The following PRKN variants were observed in gnomAD, a reference collection of about 807,000 sequenced individuals.
PRKN encodes parkin RBR E3 ubiquitin protein ligase.
A neutral mutation model predicts 59.5 loss-of-function variants in PRKN; 56 were observed. The ratio of observed to expected loss-of-function variants is 0.94; its 90% CI spans 0.76 to 1.18. PRKN has a LOEUF of 1.18. Ranked by LOEUF, PRKN falls within the 50% of genes most tolerant of loss-of-function variation. PRKN has a pLI of 0.00. For missense variants in PRKN, 657 were observed against 596.4 expected (o/e 1.10, Z -1.06); for synonymous variants, 250 against 222.1 (o/e 1.13, Z -1.12).
intron 7 of PRKN, among the ~76,000 whole-genome samples, chr6:161,615,777 T>C (rs9355355): frequency 0.2 from 30,023 of 152,252 alleles, 3,530 homozygotes; most frequent in East Asian, 0.54. Context: ...GGGGAGCTGA[T>C]GGCTGCAGTG....
chr6:161,524,104 A>T (rs1778934715), intron 9 of PRKN, among the ~76,000 whole-genome samples: 1 of 152,158 alleles, frequency 6.6e-6, no homozygotes, highest in Non-Finnish European at 1.5e-5. Context: ...TCTATTTGTG[A>T]AAAGGCAAGA....
At chr6:162,677,785 A>G (rs1041531475) in intron 1 of PRKN, among the ~76,000 whole-genome samples, 1 of 152,210 alleles carries the variant, frequency 6.6e-6, no homozygotes, top group Non-Finnish European at 1.5e-5. Context: ...TAGGCAAAGG[A>G]CAACGTATTT....
chr6:161,878,802 C>A (rs180808611), intron 6 of PRKN, among the ~76,000 whole-genome samples: 2 of 152,276 alleles, frequency 1.3e-5, no homozygotes, highest in Admixed American at 1.3e-4. Flanking sequence ...TTCTTTGGTG[C>A]TCCTACAAAC....
At chr6:161,811,375 C>T (rs1041361849) in intron 6 of PRKN, among the ~76,000 whole-genome samples, 4 of 152,078 alleles carry the variant, frequency 2.6e-5, no homozygotes, top group Non-Finnish European at 4.4e-5. Context: ...TATACAGTTA[C>T]AGAAATCAAG....
In PRKN at chr6:161,637,566, G is replaced by A. The variant is rs140640672; in HGVS notation, c.872-68150C>T. On this transcript the variant is annotated intron_variant, in intron 7 of 11. Transcript: ENST00000366898. ...GAGGCTGCAGCACGACCTGCCTTTCGTGTTTCTACAGAACAAGGTAGCCTT... is the reference window on the plus strand; with the variant it reads ...GAGGCTGCAGCACGACCTGCCTTTCATGTTTCTACAGAACAAGGTAGCCTT... Among the ~76,000 whole-genome samples, 285 of 152,240 alleles carry A rather than the reference G, an allele frequency of 1.9e-3. 3 individuals carry two copies. Among genetic ancestry groups the A allele is most frequent in the African/African-American group, 6.4e-3 (264 of 41,548 alleles).
intron 1 of PRKN, among the ~76,000 whole-genome samples, chr6:162,598,013 G>C (rs1781558841): frequency 6.6e-6 from 1 of 152,048 alleles, no homozygotes. Context: ...AAATTAACGA[G>C]CCTTTATCTG....
chr6:161,633,774 G>T (rs1783403576), intron 7 of PRKN, among the ~76,000 whole-genome samples: 1 of 152,000 alleles, frequency 6.6e-6, no homozygotes, highest in African/African-American at 2.4e-5. Flanking sequence ...TCCTGCATAT[G>T]TGACACCATC....
At chr6:162,264,462 C>T (rs1159810403) in intron 2 of PRKN, among the ~76,000 whole-genome samples, 1 of 151,824 alleles carries the variant, frequency 6.6e-6, no homozygotes, top group Non-Finnish European at 1.5e-5. Context: ...CATCAATGTC[C>T]CTCGAACAGT....
At chr6:161,418,769 A>G (rs2115022619) in intron 9 of PRKN, among the ~76,000 whole-genome samples, 1 of 152,332 alleles carries the variant, frequency 6.6e-6, no homozygotes, top group South Asian at 2.1e-4. Context: ...GGCCTCCCAC[A>G]TAGTATTTGC....
In PRKN at chr6:161,410,775, G is replaced by A. The variant is rs754506117; in HGVS notation, c.1084-23898C>T. Among the ~76,000 whole-genome samples the A allele has an allele frequency of 1.3e-5, 2 of 152,118 alleles. No homozygotes were observed. Among genetic ancestry groups the A allele is most frequent in the Admixed American group, 6.5e-5 (1 of 15,272 alleles). On this transcript the variant is annotated intron_variant, in intron 9 of 11. Coordinates refer to ENST00000366898, the MANE Select transcript of PRKN (RefSeq NM_004562.3). The surrounding 1 kb of genome is among the most constrained non-coding windows in gnomAD (Gnocchi z 5.3). Reference sequence around the variant, plus strand: ...TCATTGGTGCTCATGACAACGGCACGCCAAGGGGCTTGATGGCAGCAGCCT... The same window carrying A: ...TCATTGGTGCTCATGACAACGGCACACCAAGGGGCTTGATGGCAGCAGCCT...
chr6:162,672,183 C>T (rs192906103), intron 1 of PRKN, among the ~76,000 whole-genome samples: 2 of 152,210 alleles, frequency 1.3e-5, no homozygotes, highest in Admixed American at 1.3e-4. Flanking sequence ...ACAAAAAATA[C>T]ACTAAAGATG....
chr6:162,042,485 CATA>C (rs1051350696), intron 5 of PRKN, among the ~76,000 whole-genome samples: 10 of 151,676 alleles, frequency 6.6e-5, no homozygotes, highest in African/African-American at 2.2e-4. Flanking sequence ...GATGGGGTCT[CATA>C]ATGTTGCCTA....
chr6:161,473,620 CA>C lies in PRKN; in HGVS notation c.1083+75233del, dbSNP rs375192325. ...ATGGGGAGATATGGGTCAAAGCATA[CA>C]AAGTTACAGGTAGGACAAATATTCT... On this transcript the variant is annotated intron_variant, in intron 9 of 11. Coordinates refer to ENST00000366898, the MANE Select transcript of PRKN (RefSeq NM_004562.3). This position sits in a 1 kb window ranked among gnomAD's most constrained non-coding sequence, Gnocchi z 4.1. 4.6e-3 allele frequency among the ~76,000 whole-genome samples: 697 copies of C among 151,704 alleles called. 6 individuals are homozygous for C. The highest frequency in any genetic ancestry group is 0.016 in the African/African-American group (666 of 41,358).
chr6:161,366,223 G>C (rs766294548), intron 10 of PRKN, among the ~76,000 whole-genome samples: 4 of 152,146 alleles, frequency 2.6e-5, no homozygotes, highest in Non-Finnish European at 5.9e-5. Flanking sequence ...CAGGAAGAGA[G>C]ACCTCCCCAG....
At chr6:161,906,300 C>T (rs1018137437) in intron 6 of PRKN, among the ~76,000 whole-genome samples, 3 of 152,122 alleles carry the variant, frequency 2.0e-5, no homozygotes, top group African/African-American at 4.8e-5. Flanking sequence ...TGTCTTAACT[C>T]GTTTACACAT....
At chr6:161,819,722 G>A (rs1360845535) in intron 6 of PRKN, among the ~76,000 whole-genome samples, 4 of 152,054 alleles carry the variant, frequency 2.6e-5, no homozygotes, top group African/African-American at 9.7e-5. Context: ...TACATTCAAA[G>A]GCTACCTTTC....
chr6:162,611,987 C>A (rs188513901), intron 1 of PRKN, among the ~76,000 whole-genome samples: 9 of 151,184 alleles, frequency 6.0e-5, no homozygotes, highest in South Asian at 2.1e-4. Context: ...AGATCGAGAC[C>A]ATCCTGGCTA....
chr6:161,701,575 A>G (rs1388584047), intron 7 of PRKN, among the ~76,000 whole-genome samples: 7 of 152,214 alleles, frequency 4.6e-5, no homozygotes, highest in Admixed American at 4.6e-4. Context: ...ACAAAATAAT[A>G]AATCATTGAA....
Position 161,357,996 on chromosome 6 carries a change from G to A in PRKN, c.1285+2092C>T, listed in dbSNP as rs973785280. Among the ~76,000 whole-genome samples, 1 of 152,228 alleles carries A rather than the reference G, an allele frequency of 6.6e-6. No homozygotes were observed. The highest frequency in any genetic ancestry group is 2.4e-5 in the African/African-American group (1 of 41,458). On this transcript the variant is annotated intron_variant, in intron 11 of 11. Coordinates refer to ENST00000366898, the MANE Select transcript of PRKN (RefSeq NM_004562.3). This position sits in a 1 kb window ranked among gnomAD's most constrained non-coding sequence, Gnocchi z 5.5. ...ACACTGCAGTGCCGGGCTGTGTGAA[G>A]CTTTACCACCGATTTATCACAAAAT...
Sources: allele counts gnomAD v4.1 joint callset (sites outside exome capture counted in the v4.1 genomes callset), GRCh38; gene constraint gnomAD v4.1.1; non-coding constraint Gnocchi (gnomAD v3.1); transcripts MANE v1.5; gene names NCBI Gene and HGNC (gene_info 2026-07-23, HGNC 2026-07-21).